The following SHLD1 variants were observed in gnomAD, a reference collection of about 807,000 sequenced individuals.
SHLD1 encodes the protein RINN1-REV7-interacting novel NHEJ regulator 3.
In SHLD1, 3 loss-of-function variants were observed where a neutral mutation model predicts 5.5. The ratio of observed to expected loss-of-function variants is 0.54; its 90% CI spans 0.25 to 1.40. The LOEUF is 1.40. Ranked by LOEUF, SHLD1 falls within the 40% of genes most tolerant of loss-of-function variation. The pLI, the probability that SHLD1 is intolerant of heterozygous loss-of-function variation, is 0.15. For missense variants in SHLD1, 210 were observed against 244.4 expected, an observed-to-expected ratio of 0.86 and a Z score of 0.94; for synonymous variants, 92 against 94.3, an observed-to-expected ratio of 0.98 and a Z score of 0.14.
chr20:5,758,920 G>GT (rs112543692), intron 1 of SHLD1, among the ~76,000 whole-genome samples: 235 of 120,592 alleles, frequency 1.9e-3, no homozygotes, highest in Middle Eastern at 4.3e-3. Flanking sequence ...TGTCAAATGT[G>GT]TTTTTTTTTT....
intron 2 of SHLD1, among the ~76,000 whole-genome samples, chr20:5,787,700 G>A (rs2087078922): frequency 1.3e-5 from 2 of 152,262 alleles, no homozygotes; most frequent in South Asian, 4.1e-4. Flanking sequence ...AAAGGCTGGT[G>A]AATGAATAAA....
In SHLD1 at chr20:5,772,985, C is replaced by T. The variant is rs758665941; in HGVS notation, c.120C>T (p.Ser40=). 5.6e-6 allele frequency: 9 copies of T among 1,614,034 alleles called. No homozygotes were observed. Among genetic ancestry groups the T allele is most frequent in the Middle Eastern group, 3.3e-4 (2 of 6,084 alleles). Reference sequence around the variant, plus strand: ...AGGGACCCAGCCAAGAAGCCAACAGCGAGGCTTTCAGTTCTTTGGAATTCC... The same window carrying T: ...AGGGACCCAGCCAAGAAGCCAACAGTGAGGCTTTCAGTTCTTTGGAATTCC... ...VLQGPSQEAN[S]EAFSSLEFHS... The change falls in exon 2 of 3, where the codon AGC becomes AGT. Residue 40 remains serine, a synonymous_variant. Coordinates refer to ENST00000303142, the MANE Select transcript of SHLD1 (RefSeq NM_152504.4).
chr20:5,825,713 C>T (rs1285030211), intron 2 of SHLD1, among the ~76,000 whole-genome samples: 1 of 152,168 alleles, frequency 6.6e-6, no homozygotes, highest in Non-Finnish European at 1.5e-5. Flanking sequence ...TGCGCTCCTG[C>T]CTGGGTGACA....
intron 2 of SHLD1, among the ~76,000 whole-genome samples, chr20:5,813,816 T>C (rs1037927074): frequency 6.6e-6 from 1 of 152,046 alleles, no homozygotes; most frequent in Non-Finnish European, 1.5e-5. Context: ...GCAAGAGAAA[T>C]AGTAACATAC....
Position 5,845,655 on chromosome 20 carries a change from G to C in SHLD1, c.179-17369G>C, listed in dbSNP as rs563857250. On this transcript the variant is annotated intron_variant, in intron 2 of 2. Transcript: ENST00000303142. ...ATAAGAAAATCAATTTTCTTTTGTA[G>C]ACAAACCTTGCCTTTCACCCCAGGC... is the stretch of plus-strand genomic sequence containing the variant. Among the ~76,000 whole-genome samples, 12 of 152,268 alleles carry C rather than the reference G, an allele frequency of 7.9e-5. No homozygotes were observed. In the South Asian group the frequency reaches 1.7e-3, roughly 21 times the overall value.
At chr20:5,848,684 A>G (rs1222678515) in intron 2 of SHLD1, among the ~76,000 whole-genome samples, 1 of 152,246 alleles carries the variant, frequency 6.6e-6, no homozygotes, top group Non-Finnish European at 1.5e-5. Flanking sequence ...AGAAAAATAT[A>G]AAATGCCAAA....
intron 1 of SHLD1, among the ~76,000 whole-genome samples, chr20:5,770,785 TTGAGAAAATGAATGATG>T (rs1985112089): frequency 6.6e-6 from 1 of 152,230 alleles, no homozygotes; most frequent in African/African-American, 2.4e-5. Flanking sequence ...GTATGTGGCC[TTGAGAAAATGAATGATG>T]TCCTAGTCAA....
At chr20:5,825,537 G>A (rs2087656147) in intron 2 of SHLD1, among the ~76,000 whole-genome samples, 1 of 152,230 alleles carries the variant, frequency 6.6e-6, no homozygotes, top group South Asian at 2.1e-4. Flanking sequence ...AGCCATGTTG[G>A]CATGTGGCTG....
rs1406776811 is a variant in SHLD1 at position 5,764,172 on chromosome 20, A to ATT, written c.-4-8689_-4-8688insTT. On this transcript the variant is annotated intron_variant, in intron 1 of 2. Coordinates refer to ENST00000303142, the MANE Select transcript of SHLD1 (RefSeq NM_152504.4). The stretch of plus-strand genomic sequence containing the variant: ...TATATTTATATTTATATATATATAT[A>ATT]TATTTTTATATATATATATTTTATA... 8.4e-5 allele frequency among the ~76,000 whole-genome samples: 7 copies of ATT among 83,196 alleles called. No homozygotes were observed. The South Asian group carries it at 2.2e-3, about 26-fold the overall frequency. The allele number at this position is 83,196 out of a possible 152,430, so 54.6% of individuals were successfully genotyped here. A position where few individuals can be genotyped will look rare whatever the true frequency, so the allele number is the denominator to read the frequency against.
chr20:5,829,025 C>T (rs1270437765), intron 2 of SHLD1, among the ~76,000 whole-genome samples: 1 of 152,140 alleles, frequency 6.6e-6, no homozygotes. Flanking sequence ...AGGCATGCAC[C>T]ACCATGCCTG....
At chr20:5,828,884 T>C (rs892332961) in intron 2 of SHLD1, among the ~76,000 whole-genome samples, 1 of 152,188 alleles carries the variant, frequency 6.6e-6, no homozygotes, top group African/African-American at 2.4e-5. Context: ...GTCATTATTA[T>C]TATTTTGAGA....
chr20:5,774,002 A>G (rs1226367425), intron 2 of SHLD1, among the ~76,000 whole-genome samples: 1 of 152,114 alleles, frequency 6.6e-6, no homozygotes, highest in Admixed American at 6.6e-5. Flanking sequence ...TCAGGAGTTC[A>G]AGACCAGCCT....
intron 2 of SHLD1, among the ~76,000 whole-genome samples, chr20:5,784,512 G>A (rs148211884): frequency 0.013 from 2,031 of 151,808 alleles, 49 homozygotes; most frequent in African/African-American, 0.046. Context: ...GTGCAGTGGC[G>A]CGATCTCGGC....
intron 2 of SHLD1, among the ~76,000 whole-genome samples, chr20:5,797,277 T>G (rs1316957880): frequency 6.6e-6 from 1 of 152,098 alleles, no homozygotes; most frequent in Non-Finnish European, 1.5e-5. Flanking sequence ...ATAATGTGTG[T>G]GGGCTGGGCA....
chr20:5,828,473 T>C (rs1479159392), intron 2 of SHLD1, among the ~76,000 whole-genome samples: 1 of 146,018 alleles, frequency 6.8e-6, no homozygotes, highest in African/African-American at 2.4e-5. Context: ...TCAAACCATT[T>C]CCTGCTGCTG....
At position 5,835,848 on chromosome 20, in the gene SHLD1, A is replaced by T. The variant is rs1048822121; in HGVS notation, c.179-27176A>T. 2.6e-5 allele frequency among the ~76,000 whole-genome samples: 4 copies of T among 152,218 alleles called. 1 individual carries two copies. The highest frequency in any genetic ancestry group is 2.1e-4 in the South Asian group (1 of 4,836). On this transcript the variant is annotated intron_variant, in intron 2 of 2. Coordinates refer to ENST00000303142, the MANE Select transcript of SHLD1 (RefSeq NM_152504.4). ...GGAAAAGTTGCAGAAAAATTGTTAG[A>T]GAAAGAAAATCATTCTCCTGCCTTC...
At chr20:5,805,399 C>A (rs751392272) in intron 2 of SHLD1, among the ~76,000 whole-genome samples, 3 of 152,082 alleles carry the variant, frequency 2.0e-5, no homozygotes, top group Non-Finnish European at 4.4e-5. Context: ...TCAGGTGATC[C>A]GCCCACCTCA....
At chr20:5,807,379 C>T (rs1476897913) in intron 2 of SHLD1, among the ~76,000 whole-genome samples, 1 of 150,006 alleles carries the variant, frequency 6.7e-6, no homozygotes, top group Non-Finnish European at 1.5e-5. Flanking sequence ...CTTTCTTCCT[C>T]TTTCTCTTTT....
At chr20:5,848,675 G>A (rs1464491858) in intron 2 of SHLD1, among the ~76,000 whole-genome samples, 2 of 152,170 alleles carry the variant, frequency 1.3e-5, no homozygotes, top group African/African-American at 2.4e-5. Context: ...AATTTTTCAA[G>A]AAAAATATAA....
Sources: gnomAD v4.1 joint callset for allele counts (sites outside exome capture counted in the v4.1 genomes callset) on GRCh38, gnomAD v4.1.1 for gene constraint, MANE v1.5 for transcripts, NCBI Gene and HGNC (gene_info 2026-07-23, HGNC 2026-07-21) for gene names.